PHC2: variants seen among roughly 807,000 people sequenced by gnomAD.
PHC2 encodes the protein polyhomeotic homolog 2.
Under a neutral mutation model 87.4 loss-of-function variants are expected in PHC2, and 29 were observed. The observed-to-expected ratio is 0.33, with a 90% CI of 0.25 to 0.45. The LOEUF (loss-of-function observed/expected upper bound fraction) is 0.45, where lower values mean the gene tolerates loss of function less well. Among genes scored for constraint, PHC2 ranks in the 20% least tolerant of loss-of-function variants. The pLI is 1.00. For synonymous variants in PHC2, 438 were observed against 461.7 expected, an observed-to-expected ratio of 0.95 and a Z score of 0.66; for missense variants, 857 against 1,136.7, an observed-to-expected ratio of 0.75 and a Z score of 3.54.
chr1:33,411,563 T>A (rs776937208), intron 1 of PHC2, among the ~76,000 whole-genome samples: 8 of 152,168 alleles, frequency 5.3e-5, no homozygotes, highest in Non-Finnish European at 8.8e-5. Flanking sequence ...CTTTTAGTTT[T>A]ATTTTTTTAT....
chr1:33,386,846 TACACAAAGTGCAC>T (rs1208136392), intron 1 of PHC2, among the ~76,000 whole-genome samples: 1 of 151,978 alleles, frequency 6.6e-6, no homozygotes, highest in Non-Finnish European at 1.5e-5. Context: ...ACACAGCACA[TACACAAAGTGCAC>T]ACACAGCACA....
At chr1:33,340,252 T>C (rs1436778104) in intron 9 of PHC2, among the ~76,000 whole-genome samples, 1 of 152,204 alleles carries the variant, frequency 6.6e-6, no homozygotes, top group Non-Finnish European at 1.5e-5. Context: ...CTCATTTTCT[T>C]ACAACAAATT....
intron 1 of PHC2, among the ~76,000 whole-genome samples, chr1:33,385,106 G>A (rs1448279630): frequency 2.0e-5 from 3 of 152,166 alleles, no homozygotes; most frequent in Non-Finnish European, 4.4e-5. Flanking sequence ...GAGGGGAAAT[G>A]AAAGATGAGT....
intron 2 of PHC2, among the ~76,000 whole-genome samples, chr1:33,373,310 G>A (rs1159558561): frequency 2.6e-5 from 4 of 151,994 alleles, no homozygotes; most frequent in African/African-American, 9.7e-5. Flanking sequence ...TAGTAGAGAC[G>A]GGGTTTTACC....
intron 9 of PHC2, 146 bp downstream of exon 9, chr1:33,354,255 C>T: frequency 1.4e-6 from 1 of 694,700 alleles, no homozygotes; most frequent in Non-Finnish European, 2.4e-6. Context: ...TTCATCTTCT[C>T]ACATCCCTCC....
rs1176758610 is a variant in PHC2, at chr1:33,368,951, C to T, written c.577-329G>A. The stretch of plus-strand genomic sequence containing the variant: ...TCAGAACCCTCTGTGAGGGGCTCAT[C>T]CTAGAGGAGACCGATATCCCCAGGA... On this transcript the variant is annotated intron_variant, in intron 5 of 14. Coordinates refer to ENST00000683057, the MANE Select transcript of PHC2 (RefSeq NM_001385109.1). This position sits in a 1 kb window ranked among gnomAD's most constrained non-coding sequence, Gnocchi z 6.6. Among the ~76,000 whole-genome samples the T allele has an allele frequency of 6.6e-6, 1 of 152,106 alleles. No homozygotes were observed. Among genetic ancestry groups the T allele is most frequent in the Non-Finnish European group, 1.5e-5 (1 of 67,998 alleles).
At chr1:33,394,011 A>G (rs956663129) in intron 1 of PHC2, among the ~76,000 whole-genome samples, 1 of 152,260 alleles carries the variant, frequency 6.6e-6, no homozygotes, top group African/African-American at 2.4e-5. Flanking sequence ...GGCAGAGTTA[A>G]GGAATCTCAT....
At chr1:33,342,507 G>A (rs1043175220) in intron 9 of PHC2, among the ~76,000 whole-genome samples, 1 of 152,090 alleles carries the variant, frequency 6.6e-6, no homozygotes, top group South Asian at 2.1e-4. Flanking sequence ...TCAATGGAGC[G>A]AACAGCCACC....
At position 33,328,870 on chromosome 1, in the gene PHC2, C is replaced by T; in HGVS notation, c.2425G>A (p.Gly809Ser). ...DVYEFIRSLPGCQEIAEEFRA... is the reference protein window; with the variant it reads ...DVYEFIRSLPSCQEIAEEFRA... ...GACATGGAATTTCCAAGGGCCTTAC[C>T]TGGCAGAGAGCGGATGAATTCGTAG... The change falls in exon 14 of 15, where the codon GGC becomes AGC. Residue 809 changes from glycine to serine, a missense_variant and splice_region_variant. Transcript: ENST00000683057. 6.2e-7 allele frequency: 1 copy of T among 1,602,542 alleles called. No homozygotes were observed. The highest frequency in any genetic ancestry group is 2.2e-5 in the East Asian group (1 of 44,600).
At chr1:33,399,532 T>C (rs948143493) in intron 1 of PHC2, among the ~76,000 whole-genome samples, 9 of 152,344 alleles carry the variant, frequency 5.9e-5, no homozygotes, top group Middle Eastern at 6.8e-3. Flanking sequence ...CATCTTGCCA[T>C]TGGAGATGTG....
chr1:33,367,659 TCTGAGAAGGACCTG>T (rs1157142490), intron 6 of PHC2, among the ~76,000 whole-genome samples: 1 of 152,072 alleles, frequency 6.6e-6, no homozygotes, highest in Non-Finnish European at 1.5e-5. Context: ...GAGGCTGAGT[TCTGAGAAGGACCTG>T]CTGCCCAGCT....
intron 1 of PHC2, among the ~76,000 whole-genome samples, chr1:33,430,353 T>C (rs539772811): frequency 3.3e-4 from 50 of 152,216 alleles, no homozygotes; most frequent in South Asian, 8.3e-4. Context: ...ACGACTGTTC[T>C]CTCCTCCCAG....
At chr1:33,427,790 C>A (rs1650742815) in intron 1 of PHC2, among the ~76,000 whole-genome samples, 1 of 152,214 alleles carries the variant, frequency 6.6e-6, no homozygotes, top group Non-Finnish European at 1.5e-5. Flanking sequence ...GTCAGGTACA[C>A]AACAAATGGT....
chr1:33,415,845 T>C (rs1293672746), intron 1 of PHC2, among the ~76,000 whole-genome samples: 1 of 152,174 alleles, frequency 6.6e-6, no homozygotes, highest in African/African-American at 2.4e-5. Flanking sequence ...TTTTAGAGAC[T>C]AAGAATACAA....
chr1:33,354,575 G>A lies in PHC2; in HGVS notation c.1393-9C>T. 1 of 1,610,884 alleles carries A rather than the reference G, an allele frequency of 6.2e-7. No individual in the cohort carries two copies. On this transcript the variant is annotated splice_polypyrimidine_tract_variant and intron_variant, in intron 8 of 14. Transcript: ENST00000683057. The stretch of plus-strand genomic sequence containing the variant: ...GGGACACACTGCTGGGGCTGTCAAA[G>A]GACAGGACAGAGAGGGGGGCCTCTC...
chr1:33,375,689 G>A, intron 1 of PHC2, 96 bp from the exon 2 acceptor site: 3 of 704,244 alleles, frequency 4.3e-6, no homozygotes, highest in Non-Finnish European at 4.4e-6. Context: ...CCACATCCAT[G>A]GATTCAACCA....
chr1:33,392,474 G>A (rs1322477230), intron 1 of PHC2, among the ~76,000 whole-genome samples: 2 of 152,054 alleles, frequency 1.3e-5, no homozygotes, highest in East Asian at 1.9e-4. Context: ...AGACACACTC[G>A]TTTATTCACT....
At chr1:33,397,164 A>G (rs1649328611) in intron 1 of PHC2, among the ~76,000 whole-genome samples, 1 of 152,218 alleles carries the variant, frequency 6.6e-6, no homozygotes, top group Admixed American at 6.5e-5. Flanking sequence ...CATTCAGCAC[A>G]GGGTCTGGCA....
At chr1:33,366,702 A>G (rs531027037) in intron 7 of PHC2, among the ~76,000 whole-genome samples, 26 of 152,204 alleles carry the variant, frequency 1.7e-4, no homozygotes, top group Non-Finnish European at 3.4e-4. Flanking sequence ...TGATGAGAAA[A>G]ATAAACTTCC....
Sources: allele counts gnomAD v4.1 joint callset (sites outside exome capture counted in the v4.1 genomes callset), GRCh38; gene constraint gnomAD v4.1.1; non-coding constraint Gnocchi (gnomAD v3.1); transcripts MANE v1.5; gene names NCBI Gene and HGNC (gene_info 2026-07-23, HGNC 2026-07-21).